PTPN13: variants seen among roughly 807,000 people sequenced by gnomAD.
PTPN13 encodes protein tyrosine phosphatase non-receptor type 13.
Under a neutral mutation model 284.0 loss-of-function variants are expected in PTPN13, and 191 were observed. The ratio of observed to expected loss-of-function variants is 0.67; its 90% CI spans 0.60 to 0.76. PTPN13 has a LOEUF of 0.76. PTPN13 is among the 30% of genes least tolerant of loss of function. The pLI is 0.00. For missense variants in PTPN13, 2,797 were observed against 2,939.9 expected (o/e 0.95, Z 1.12); for synonymous variants, 986 against 1,022.3 (o/e 0.96, Z 0.68).
intron 6 of PTPN13, among the ~76,000 whole-genome samples, chr4:86,696,015 A>G (rs549238233): frequency 6.6e-6 from 1 of 152,132 alleles, no homozygotes; most frequent in Admixed American, 6.5e-5. Flanking sequence ...TCAAATGCTA[A>G]CATAATTTAG....
At chr4:86,810,349 A>T (rs1266101525) in intron 46 of PTPN13, among the ~76,000 whole-genome samples, 1 of 151,704 alleles carries the variant, frequency 6.6e-6, no homozygotes, top group Non-Finnish European at 1.5e-5. Context: ...AAAGGAAAGT[A>T]TTTTTTTAAT....
chr4:86,617,136 C>G (rs898315611), intron 1 of PTPN13, among the ~76,000 whole-genome samples: 6 of 152,186 alleles, frequency 3.9e-5, no homozygotes, highest in African/African-American at 1.2e-4. Flanking sequence ...AGAGAGGAAG[C>G]AAAGCAACCT....
intron 2 of PTPN13, among the ~76,000 whole-genome samples, chr4:86,660,404 T>TA (rs1170691672): frequency 6.6e-6 from 1 of 151,732 alleles, no homozygotes; most frequent in Non-Finnish European, 1.5e-5. Flanking sequence ...AGGTTTTTTT[T>TA]TAAAAAAAAG....
chr4:86,628,397 A>G (rs1224463987), intron 1 of PTPN13, among the ~76,000 whole-genome samples: 2 of 152,116 alleles, frequency 1.3e-5, no homozygotes, highest in Admixed American at 6.6e-5. Context: ...AATCTAAAAA[A>G]AACTGGATTG....
chr4:86,777,162 C>T (rs1244427696), intron 35 of PTPN13, among the ~76,000 whole-genome samples: 1 of 152,176 alleles, frequency 6.6e-6, no homozygotes, highest in Non-Finnish European at 1.5e-5. Context: ...TAAAACAACA[C>T]AAGTTTATTA....
intron 1 of PTPN13, among the ~76,000 whole-genome samples, chr4:86,619,729 C>A (rs1013391589): frequency 2.8e-4 from 43 of 152,026 alleles, no homozygotes; most frequent in African/African-American, 9.9e-4. Context: ...AAAATCAAAT[C>A]CTGCAATAAG....
intron 2 of PTPN13, among the ~76,000 whole-genome samples, chr4:86,663,382 T>G (rs1016156394): frequency 3.9e-5 from 6 of 152,170 alleles, no homozygotes; most frequent in African/African-American, 1.4e-4. Flanking sequence ...CAAAGTGTGA[T>G]CTAATGGTAA....
chr4:86,798,591 A>T (rs1329739316), intron 41 of PTPN13, among the ~76,000 whole-genome samples: 1 of 152,136 alleles, frequency 6.6e-6, no homozygotes, highest in African/African-American at 2.4e-5. Flanking sequence ...GGCATCTGTT[A>T]TGCACTCCCA....
At chr4:86,612,569 C>T (rs182654857) in intron 1 of PTPN13, among the ~76,000 whole-genome samples, 15 of 152,176 alleles carry the variant, frequency 9.9e-5, no homozygotes, top group Middle Eastern at 3.4e-3. Flanking sequence ...CCCACACCTT[C>T]GGAATCTCCG....
chr4:86,613,853 T>C (rs1348130095), intron 1 of PTPN13, among the ~76,000 whole-genome samples: 1 of 152,138 alleles, frequency 6.6e-6, no homozygotes, highest in African/African-American at 2.4e-5. Context: ...CTCAGTACCA[T>C]TAGCTAGGAT....
At chr4:86,649,543 A>G (rs1257544703) in intron 2 of PTPN13, among the ~76,000 whole-genome samples, 4 of 152,126 alleles carry the variant, frequency 2.6e-5, no homozygotes, top group Admixed American at 2.0e-4. Flanking sequence ...CTGTGAATGT[A>G]TGAATTTATT....
intron 40 of PTPN13, among the ~76,000 whole-genome samples, chr4:86,791,405 T>A (rs1399852241): frequency 6.6e-6 from 1 of 152,136 alleles, no homozygotes; most frequent in Non-Finnish European, 1.5e-5. Flanking sequence ...CTCTCTAGAT[T>A]CCACCTCTGG....
At chr4:86,726,158 G>A (rs1578506677) in intron 10 of PTPN13, among the ~76,000 whole-genome samples, 2 of 149,516 alleles carry the variant, frequency 1.3e-5, no homozygotes, top group African/African-American at 4.9e-5. Context: ...TGAGGCCTCT[G>A]TTCTGTTCCA....
At chr4:86,612,042 A>G (rs1719955012) in intron 1 of PTPN13, among the ~76,000 whole-genome samples, 1 of 152,228 alleles carries the variant, frequency 6.6e-6, no homozygotes, top group Non-Finnish European at 1.5e-5. Context: ...CTTACGCAGT[A>G]GTGAGGAATA....
At chr4:86,813,346 A>T (rs991837492) in intron 47 of PTPN13, among the ~76,000 whole-genome samples, 2 of 152,224 alleles carry the variant, frequency 1.3e-5, no homozygotes, top group African/African-American at 4.8e-5. Context: ...CTGCACCATC[A>T]ACTTAATAGA....
chr4:86,615,721 A>G (rs1425428785), intron 1 of PTPN13, among the ~76,000 whole-genome samples: 1 of 152,126 alleles, frequency 6.6e-6, no homozygotes, highest in Non-Finnish European at 1.5e-5. Context: ...GAAGGTACAT[A>G]TATGATACTG....
At chr4:86,661,358 A>G (rs1726467135) in intron 2 of PTPN13, among the ~76,000 whole-genome samples, 2 of 152,208 alleles carry the variant, frequency 1.3e-5, no homozygotes, top group South Asian at 2.1e-4. Context: ...TTTCTCCAAT[A>G]TAGAAATTAA....
At chr4:86,707,701 T>C (rs1157408401) in intron 7 of PTPN13, among the ~76,000 whole-genome samples, 1 of 152,048 alleles carries the variant, frequency 6.6e-6, no homozygotes, top group Non-Finnish European at 1.5e-5. Flanking sequence ...TCCCTTTGAA[T>C]AGCAAGAAAA....
At chr4:86,784,130 G>A (rs1741640237) in intron 37 of PTPN13, among the ~76,000 whole-genome samples, 1 of 152,046 alleles carries the variant, frequency 6.6e-6, no homozygotes, top group African/African-American at 2.4e-5. Context: ...AAAAAGAGAT[G>A]TCTACAGTCA....
Sources: allele counts gnomAD v4.1 joint callset (sites outside exome capture counted in the v4.1 genomes callset), GRCh38; gene constraint gnomAD v4.1.1; transcripts MANE v1.5; gene names NCBI Gene and HGNC (gene_info 2026-07-23, HGNC 2026-07-21).